The following SEC24B variants were observed in gnomAD, a reference collection of about 807,000 sequenced individuals.
SEC24B encodes protein transport protein Sec24B.
SEC24B carries 45 observed loss-of-function variants against 142.8 expected under a neutral mutation model. The observed-to-expected ratio is 0.32, with a 90% CI of 0.25 to 0.40. The LOEUF (loss-of-function observed/expected upper bound fraction) is 0.40, where lower values mean the gene tolerates loss of function less well. Among genes scored for constraint, SEC24B ranks in the 10% least tolerant of loss-of-function variants. The pLI is 1.00. For synonymous variants in SEC24B, 574 were observed against 568.2 expected (o/e 1.01, Z -0.15); for missense variants, 1,409 against 1,526.8 (o/e 0.92, Z 1.29).
chr4:109,453,439 GGCCCCCCC>G (rs1730322423), intron 1 of SEC24B, among the ~76,000 whole-genome samples: 1 of 10,190 alleles, frequency 9.8e-5, no homozygotes, highest in African/African-American at 2.9e-4. Context: ...GGCCATTTTA[GGCCCCCCC>G]CCCCCCCCCC....
intron 18 of SEC24B, among the ~76,000 whole-genome samples, chr4:109,528,374 C>T (rs1046399016): frequency 2.7e-5 from 4 of 150,256 alleles, no homozygotes; most frequent in South Asian, 2.1e-4. Context: ...TGCAGTGAGC[C>T]GAGCCGAGGT....
rs192264300 is a variant in SEC24B, at chr4:109,469,832, G to A, written c.878-3172G>A. On this transcript the variant is annotated intron_variant, in intron 2 of 23. Transcript: ENST00000265175. ...AATTTAAAACTTTTCCTTATTGAAAGACAACATGAAAAAAAGAAAAACATA... is the reference window on the plus strand; with the variant it reads ...AATTTAAAACTTTTCCTTATTGAAAAACAACATGAAAAAAAGAAAAACATA... Among the ~76,000 whole-genome samples, 362 of 151,928 alleles carry A rather than the reference G, an allele frequency of 2.4e-3. 1 individual carries two copies. Among genetic ancestry groups the A allele is most frequent in the Non-Finnish European group, 4.1e-3 (276 of 67,924 alleles).
chr4:109,494,125 T>G (rs1316707028), intron 5 of SEC24B, among the ~76,000 whole-genome samples: 3 of 152,148 alleles, frequency 2.0e-5, no homozygotes, highest in African/African-American at 7.2e-5. Context: ...ATTAACTTTG[T>G]GTGTGCGTTT....
At position 109,512,006 on chromosome 4, in the gene SEC24B, G is replaced by T; in HGVS notation, c.1826G>T (p.Arg609Leu). Residue 609 changes from arginine to leucine, a missense_variant, in exon 9 of 24, where the codon CGA becomes CTA. Physicochemically the swap from Arg to Leu is moderately radical, Grantham distance 102 (BLOSUM62 -2). This residue lies in a region of SEC24B where 700 missense variants were observed against 853.3 expected (regional missense o/e 0.82). Coordinates refer to ENST00000265175, the MANE Select transcript of SEC24B (RefSeq NM_006323.5). Reference sequence around the variant, plus strand: ...ACCATTGTGAGGTGCCGATCCTGTCGAACGTATATTAACCCCTTTGTATCC... The same window carrying T: ...ACCATTGTGAGGTGCCGATCCTGTCTAACGTATATTAACCCCTTTGTATCC... ...SNTIVRCRSC[R>L]TYINPFVSFI... The T allele has an allele frequency of 1.9e-6, 3 of 1,613,296 alleles. No homozygotes were observed. The highest frequency in any genetic ancestry group is 2.5e-6 in the Non-Finnish European group (3 of 1,179,372).
intron 9 of SEC24B, among the ~76,000 whole-genome samples, chr4:109,513,206 C>T (rs1737555911): frequency 6.6e-6 from 1 of 151,382 alleles, no homozygotes; most frequent in Non-Finnish European, 1.5e-5. Context: ...AACTCCTGAC[C>T]TCGTGATCTT....
intron 10 of SEC24B, among the ~76,000 whole-genome samples, chr4:109,514,128 T>A (rs1239539636): frequency 6.6e-6 from 1 of 152,192 alleles, no homozygotes; most frequent in Admixed American, 6.5e-5. Flanking sequence ...TTTCCTTGCA[T>A]GGAATGGATA....
intron 18 of SEC24B, among the ~76,000 whole-genome samples, chr4:109,529,449 C>T (rs1472149300): frequency 1.3e-5 from 2 of 151,830 alleles, no homozygotes; most frequent in African/African-American, 4.8e-5. Flanking sequence ...TAGGTTATCC[C>T]TATTTTAATA....
intron 22 of SEC24B, among the ~76,000 whole-genome samples, chr4:109,534,278 G>GGT: frequency 7.9e-6 from 1 of 126,862 alleles, no homozygotes; most frequent in Middle Eastern, 3.8e-3. Flanking sequence ...AAATATTTGT[G>GGT]GTTTTTTTTT....
intron 3 of SEC24B, among the ~76,000 whole-genome samples, chr4:109,477,631 A>G (rs1327256272): frequency 2.0e-5 from 3 of 152,036 alleles, no homozygotes; most frequent in East Asian, 1.9e-4. Flanking sequence ...TGGCTACCAT[A>G]CCCTGTAAGT....
chr4:109,514,425 G>T (rs544805652), intron 10 of SEC24B, among the ~76,000 whole-genome samples: 1 of 152,316 alleles, frequency 6.6e-6, no homozygotes, highest in South Asian at 2.1e-4. Flanking sequence ...TTGGCTGGGT[G>T]TGGTGGCTCA....
rs113376929 is a variant in SEC24B, at chr4:109,498,426, C to T, written c.1488+3570C>T. On this transcript the variant is annotated intron_variant, in intron 6 of 23. Transcript: ENST00000265175. ...AGGCTGGAGTTCATTGGCGCAATCTCGGCTCGCGGCTCACTGCCTCCTCCA... is the reference window on the plus strand; with the variant it reads ...AGGCTGGAGTTCATTGGCGCAATCTTGGCTCGCGGCTCACTGCCTCCTCCA... Among the ~76,000 whole-genome samples the T allele has an allele frequency of 5.6e-3, 851 of 152,234 alleles. 7 individuals are homozygous for T. Among genetic ancestry groups the T allele is most frequent in the African/African-American group, 0.02 (824 of 41,546 alleles).
intron 22 of SEC24B, among the ~76,000 whole-genome samples, chr4:109,536,795 C>T (rs530795600): frequency 6.6e-6 from 1 of 150,722 alleles, no homozygotes; most frequent in African/African-American, 2.4e-5. Context: ...TCCCAAAGTG[C>T]TGGGATTACA....
chr4:109,434,958 T>G (rs1728264873), intron 1 of SEC24B, among the ~76,000 whole-genome samples: 1 of 152,198 alleles, frequency 6.6e-6, no homozygotes, highest in East Asian at 1.9e-4. Flanking sequence ...GGAATTCTCC[T>G]TACAGACTTC....
At chr4:109,517,305 T>G (rs1578961421) in intron 11 of SEC24B, among the ~76,000 whole-genome samples, 1 of 104,052 alleles carries the variant, frequency 9.6e-6, no homozygotes, top group Non-Finnish European at 2.1e-5. Flanking sequence ...AAAAAGAAAA[T>G]TTTTTCTCAT....
chr4:109,508,870 T>C (rs868382502), intron 7 of SEC24B, among the ~76,000 whole-genome samples: 7 of 152,214 alleles, frequency 4.6e-5, no homozygotes, highest in Non-Finnish European at 8.8e-5. Flanking sequence ...CCTTGGAAGT[T>C]AAATGCAAAG....
intron 1 of SEC24B, among the ~76,000 whole-genome samples, chr4:109,439,325 CAAAT>C (rs2125889739): frequency 6.6e-6 from 1 of 152,104 alleles, no homozygotes; most frequent in South Asian, 2.1e-4. Flanking sequence ...TAGTGTATCT[CAAAT>C]AAGTTCCTTT....
intron 2 of SEC24B, among the ~76,000 whole-genome samples, chr4:109,470,122 G>T (rs1442772438): frequency 3.9e-5 from 6 of 152,186 alleles, no homozygotes; most frequent in Admixed American, 3.9e-4. Context: ...AGGATGTGGA[G>T]TAACAGGAAA....
Position 109,532,611 on chromosome 4 carries a change from C to T in SEC24B, c.3391-28C>T, listed in dbSNP as rs527354150. The T allele has an allele frequency of 5.9e-6, 9 of 1,518,832 alleles. No homozygotes were observed. The African/African-American group carries it at 9.6e-5, about 16-fold the overall frequency. The allele number at this position is 1,518,832 out of a possible 1,614,324, so 94.1% of individuals were successfully genotyped here. A position where few individuals can be genotyped will look rare whatever the true frequency, so the allele number is the denominator to read the frequency against. The stretch of plus-strand genomic sequence containing the variant: ...AACTGTGATGATAGTAATGTAATCT[C>T]ATTCACATTCTCTCTTTTTCTTTTC... On this transcript the variant is annotated intron_variant, in intron 20 of 23. Transcript: ENST00000265175.
rs544975544 is a variant in SEC24B at position 109,524,743 on chromosome 4, C to CT, written c.2509-70dup. On this transcript the variant is annotated intron_variant, in intron 14 of 23. Transcript: ENST00000265175. ...GTTTGGTAGGGAGGCAGAGGATATC[C>CT]TTTTTGTTATAAAAATGACATGAAA... The CT allele has an allele frequency of 9.7e-4, 1,371 of 1,413,742 alleles. 11 individuals are homozygous for CT. The African/African-American group carries it at 0.018, about 18-fold the overall frequency. The allele number at this position is 1,413,742 out of a possible 1,614,324, so 87.6% of individuals were successfully genotyped here. A position where few individuals can be genotyped will look rare whatever the true frequency, so the allele number is the denominator to read the frequency against.
Sources: gnomAD v4.1 joint callset for allele counts (sites outside exome capture counted in the v4.1 genomes callset) on GRCh38, gnomAD v4.1.1 for gene constraint, gnomAD v4.1.1 regional missense constraint, MANE v1.5 for transcripts, NCBI Gene and HGNC (gene_info 2026-07-23, HGNC 2026-07-21) for gene names.